Variants in GPHN observed in about 807,000 individuals in gnomAD.
GPHN encodes gephyrin.
Under a neutral mutation model 95.5 loss-of-function variants are expected in GPHN, and 17 were observed. The observed-to-expected ratio is 0.18, with a 90% CI of 0.12 to 0.27. GPHN has a LOEUF of 0.27. GPHN is among the 10% of genes least tolerant of loss of function. The pLI is 1.00. For synonymous variants in GPHN, 320 were observed against 322.5 expected, an observed-to-expected ratio of 0.99 and a Z score of 0.08; for missense variants, 660 against 978.1, an observed-to-expected ratio of 0.67 and a Z score of 4.34.
chr14:66,814,260 C>T (rs955897538), intron 3 of GPHN, among the ~76,000 whole-genome samples: 3 of 152,126 alleles, frequency 2.0e-5, no homozygotes, highest in Non-Finnish European at 4.4e-5. Flanking sequence ...AGAGAAGGCA[C>T]CCAGATCTAT....
chr14:66,721,951 CAAAAAAA>C (rs35174343), intron 2 of GPHN, among the ~76,000 whole-genome samples: 111 of 60,108 alleles, frequency 1.8e-3, no homozygotes, highest in South Asian at 0.012. Flanking sequence ...AACTCTGTCT[CAAAAAAA>C]AAAAAAAAAA....
chr14:67,016,998 A>G (rs1250471877), intron 9 of GPHN, among the ~76,000 whole-genome samples: 1 of 152,126 alleles, frequency 6.6e-6, no homozygotes, highest in Non-Finnish European at 1.5e-5. Flanking sequence ...TGAGGAAATT[A>G]AAGCTCTAAG....
intron 1 of GPHN, among the ~76,000 whole-genome samples, chr14:66,584,693 T>C (rs971767862): frequency 3.9e-5 from 6 of 152,312 alleles, no homozygotes; most frequent in Middle Eastern, 3.4e-3. Context: ...ATTACATTTA[T>C]TGATTTTCGT....
At chr14:66,969,207 G>A (rs926687758) in intron 9 of GPHN, 1 of 151,950 alleles carries the variant, frequency 6.6e-6, no homozygotes, top group Admixed American at 6.6e-5. Context: ...ACTGAAATGA[G>A]GAATAATTTT....
chr14:66,746,753 A>G, intron 2 of GPHN, among the ~76,000 whole-genome samples: 1 of 152,108 alleles, frequency 6.6e-6, no homozygotes, highest in Admixed American at 6.6e-5. Flanking sequence ...ACTGGTGATA[A>G]GATGCCACCA....
At chr14:67,084,988 G>T (rs2076829797) in intron 11 of GPHN, among the ~76,000 whole-genome samples, 1 of 152,210 alleles carries the variant, frequency 6.6e-6, no homozygotes, top group African/African-American at 2.4e-5. Context: ...TCTTAAACTA[G>T]CACTGCAGAA....
chr14:67,302,538 G>A, the GPHN span: 1 of 1,576,570 alleles, frequency 6.3e-7, no homozygotes, highest in South Asian at 1.2e-5. Flanking sequence ...TTGAAATTCG[G>A]GGGAAAGATG....
At chr14:67,100,965 G>C in intron 13 of GPHN, 54 bp downstream of exon 13, 1 of 1,042,834 alleles carries the variant, frequency 9.6e-7, no homozygotes, top group Non-Finnish European at 1.5e-6. Flanking sequence ...TGGACTTTGG[G>C]CATCTAATTC....
intron 17 of GPHN, among the ~76,000 whole-genome samples, chr14:67,140,383 TAAAAA>T (rs59560735): frequency 7.7e-6 from 1 of 129,686 alleles, no homozygotes; most frequent in African/African-American, 2.6e-5. Context: ...AGACTCCATC[TAAAAA>T]AAAAAAAAAA....
the GPHN span, among the ~76,000 whole-genome samples, chr14:67,566,749 G>GAA: frequency 1.4e-4 from 19 of 134,262 alleles, no homozygotes; most frequent in African/African-American, 3.9e-4. Context: ...ACCCTGTCTT[G>GAA]AAAAAAAAAA....
chr14:67,202,312 G>T, the GPHN span, among the ~76,000 whole-genome samples: 2 of 152,110 alleles, frequency 1.3e-5, no homozygotes, highest in African/African-American at 2.4e-5. Context: ...TTGGTGGCAT[G>T]TGCCTGTAAT....
chr14:66,925,361 C>A (rs1735228375), intron 8 of GPHN, among the ~76,000 whole-genome samples: 2 of 152,132 alleles, frequency 1.3e-5, no homozygotes, highest in South Asian at 4.1e-4. Context: ...CTATCTAGAT[C>A]TTATCCATTG....
At chr14:67,517,379 C>A in the GPHN span, among the ~76,000 whole-genome samples, 1 of 152,342 alleles carries the variant, frequency 6.6e-6, no homozygotes, top group East Asian at 1.9e-4. Flanking sequence ...ATGCATGAGG[C>A]ACGGTAGGCG....
At chr14:67,717,102 A>G in the GPHN span, among the ~76,000 whole-genome samples, 4 of 152,118 alleles carry the variant, frequency 2.6e-5, no homozygotes, top group South Asian at 2.1e-4. Flanking sequence ...GCATGTATAT[A>G]TATCATTCAT....
chr14:66,914,195 A>G (rs1253738517), intron 5 of GPHN, among the ~76,000 whole-genome samples: 1 of 152,154 alleles, frequency 6.6e-6, no homozygotes, highest in Non-Finnish European at 1.5e-5. Context: ...CACTGCTACT[A>G]AGGTGTCAAC....
intron 9 of GPHN, among the ~76,000 whole-genome samples, chr14:66,990,781 T>C (rs1388014062): frequency 1.3e-5 from 2 of 151,918 alleles, no homozygotes; most frequent in African/African-American, 4.8e-5. Flanking sequence ...AATATTTTAT[T>C]TTATGGAGAA....
intron 1 of GPHN, among the ~76,000 whole-genome samples, chr14:66,676,672 A>ATTT (rs56906168): frequency 0.039 from 4,957 of 126,006 alleles, 271 homozygotes; most frequent in African/African-American, 0.095. Context: ...ATCGTAGTGT[A>ATTT]TTTTTTTTTT....
At chr14:67,600,189 C>T in the GPHN span, 36,599 of 1,582,094 alleles carry the variant, frequency 0.023, 1,133 homozygotes, top group African/African-American at 0.15. Context: ...CCGAAAAGCT[C>T]CGCTCATCCT....
intron 21 of GPHN, among the ~76,000 whole-genome samples, chr14:67,176,257 A>G (rs748984338): frequency 6.6e-6 from 1 of 152,030 alleles, no homozygotes; most frequent in Non-Finnish European, 1.5e-5. Context: ...TTCCATCAAT[A>G]CCTAGTTTAT....
Sources: allele counts gnomAD v4.1 joint callset (sites outside exome capture counted in the v4.1 genomes callset), GRCh38; gene constraint gnomAD v4.1.1; transcripts MANE v1.5; gene names NCBI Gene and HGNC (gene_info 2026-07-23, HGNC 2026-07-21).